LRRC63: variants seen among roughly 807,000 people sequenced by gnomAD.
LRRC63 encodes leucine-rich repeat-containing protein 63.
Under a neutral mutation model 49.5 loss-of-function variants are expected in LRRC63, and 40 were observed. That is an observed-to-expected ratio of 0.81 (90% CI 0.63 to 1.05). LRRC63 has a LOEUF of 1.05. LRRC63 is among the 50% of genes least tolerant of loss of function. The pLI, the probability that LRRC63 is intolerant of heterozygous loss-of-function variation, is 0.00. For missense variants in LRRC63, 636 were observed against 663.1 expected (o/e 0.96, Z 0.45); for synonymous variants, 191 against 221.1 (o/e 0.86, Z 1.21).
chr13:46,251,901 G>C (rs1011495778), intron 7 of LRRC63, among the ~76,000 whole-genome samples: 4 of 151,778 alleles, frequency 2.6e-5, no homozygotes, highest in Admixed American at 6.6e-5. Flanking sequence ...TCAACATTTT[G>C]TTCATTGTTT....
rs534079580 is a variant in LRRC63, at chr13:46,242,992, G to A, written c.991-3535G>A. On this transcript the variant is annotated intron_variant, in intron 5 of 9. Coordinates refer to ENST00000595396, the Ensembl canonical transcript of LRRC63. ...ATATAAAACTCACTGCTTCAAGTAA[G>A]AAAATTGAAAACTAGACAAATTCAG... is the stretch of plus-strand genomic sequence containing the variant. 2.0e-5 allele frequency among the ~76,000 whole-genome samples: 3 copies of A among 152,282 alleles called. No individual in the cohort carries two copies. In the East Asian group the frequency reaches 5.8e-4, roughly 29 times the overall value.
chr13:46,214,435 C>G (rs1019697377), intron 2 of LRRC63, among the ~76,000 whole-genome samples: 2 of 152,128 alleles, frequency 1.3e-5, no homozygotes, highest in Admixed American at 6.6e-5. Flanking sequence ...AGATTTACAG[C>G]TCAAGGTTAC....
At chr13:46,230,776 A>G (rs1014960087) in intron 4 of LRRC63, among the ~76,000 whole-genome samples, 1 of 152,134 alleles carries the variant, frequency 6.6e-6, no homozygotes. Flanking sequence ...AAATTTTCCA[A>G]ACTTTTACAA....
At chr13:46,240,065 G>A in intron 5 of LRRC63, among the ~76,000 whole-genome samples, 1 of 151,472 alleles carries the variant, frequency 6.6e-6, no homozygotes, top group Non-Finnish European at 1.5e-5. Context: ...GGCAAAAATT[G>A]GAAGCATTCC....
At chr13:46,276,006 GATTA>G (rs1232945538) in intron 9 of LRRC63, among the ~76,000 whole-genome samples, 2 of 151,864 alleles carry the variant, frequency 1.3e-5, no homozygotes, top group African/African-American at 4.8e-5. Flanking sequence ...TGTATTCCCC[GATTA>G]CTAGGGAGAT....
At chr13:46,243,662 C>T (rs1003728597) in intron 5 of LRRC63, among the ~76,000 whole-genome samples, 1 of 152,100 alleles carries the variant, frequency 6.6e-6, no homozygotes, top group African/African-American at 2.4e-5. Context: ...ACAAGGAGGG[C>T]CATCGTATAA....
intron 6 of LRRC63, among the ~76,000 whole-genome samples, chr13:46,249,489 T>C (rs1462290050): frequency 6.6e-6 from 1 of 151,828 alleles, no homozygotes; most frequent in Non-Finnish European, 1.5e-5. Flanking sequence ...AAGAAAATAC[T>C]ATAAATAACT....
At chr13:46,229,976 T>C (rs1018551566) in intron 4 of LRRC63, among the ~76,000 whole-genome samples, 5 of 152,018 alleles carry the variant, frequency 3.3e-5, no homozygotes, top group African/African-American at 1.2e-4. Context: ...TGGTGTGCGG[T>C]ACAGGTGCCA....
chr13:46,263,446 A>T (rs1394658698), intron 8 of LRRC63, among the ~76,000 whole-genome samples: 5 of 151,420 alleles, frequency 3.3e-5, no homozygotes, highest in Non-Finnish European at 1.5e-5. Flanking sequence ...TATGTTATTA[A>T]TTTTGGCATT....
At chr13:46,233,544 A>T (rs1289195680) in intron 4 of LRRC63, among the ~76,000 whole-genome samples, 1 of 152,232 alleles carries the variant, frequency 6.6e-6, no homozygotes, top group East Asian at 1.9e-4. Context: ...CAAAAGTAAA[A>T]TATATAAAAT....
intron 5 of LRRC63, among the ~76,000 whole-genome samples, chr13:46,241,568 A>C (rs761418766): frequency 1.3e-4 from 20 of 152,314 alleles, no homozygotes; most frequent in Non-Finnish European, 2.5e-4. Flanking sequence ...TTTGCAAACT[A>C]TGCATCTGAC....
intron 2 of LRRC63, among the ~76,000 whole-genome samples, chr13:46,224,946 C>T (rs1594018959): frequency 1.3e-5 from 2 of 152,348 alleles, no homozygotes; most frequent in Admixed American, 1.3e-4. Context: ...AGTAGGCTGA[C>T]TCTACCTATC....
intron 9 of LRRC63, chr13:46,270,596 A>C (rs764304286): frequency 1.2e-6 from 1 of 830,878 alleles, no homozygotes; most frequent in South Asian, 1.3e-5. Context: ...GGTGAAATGC[A>C]TTAATGCCAC....
exon 2 of LRRC63, chr13:46,213,046 C>T (rs921727004): frequency 1.3e-6 from 2 of 1,547,872 alleles, no homozygotes; most frequent in Middle Eastern, 1.7e-4. Context: ...TGCAAAAGCC[C>T]CCACTGCTTC....
exon 7 of LRRC63, chr13:46,250,403 A>G: frequency 1.3e-6 from 2 of 1,526,632 alleles, no homozygotes; most frequent in Non-Finnish European, 8.9e-7. Flanking sequence ...AAATAATCCT[A>G]TCAAAGAAAT....
chr13:46,221,211 T>C (rs1372079175), intron 2 of LRRC63, among the ~76,000 whole-genome samples: 1 of 152,118 alleles, frequency 6.6e-6, no homozygotes, highest in Admixed American at 6.5e-5. Context: ...GAAGGATGGA[T>C]TGCATAGGGT....
exon 3 of LRRC63, chr13:46,227,691 C>A: frequency 1.3e-6 from 2 of 1,550,374 alleles, no homozygotes; most frequent in Non-Finnish European, 1.7e-6. Flanking sequence ...AATTTCATCA[C>A]CCCAGAAATC....
chr13:46,255,643 C>CAAAAAAAAA (rs1445296831), intron 7 of LRRC63, among the ~76,000 whole-genome samples: 998 of 95,644 alleles, frequency 0.01, 28 homozygotes, highest in African/African-American at 0.058. Flanking sequence ...GACCCTGCCT[C>CAAAAAAAAA]AAATATATAT....
At chr13:46,218,510 G>A (rs919695095) in intron 2 of LRRC63, among the ~76,000 whole-genome samples, 3 of 151,982 alleles carry the variant, frequency 2.0e-5, no homozygotes, top group Non-Finnish European at 4.4e-5. Flanking sequence ...CACGTGAGAT[G>A]GGTCTCCTGA....
Sources: allele counts gnomAD v4.1 joint callset (sites outside exome capture counted in the v4.1 genomes callset), GRCh38; gene constraint gnomAD v4.1.1; transcripts MANE v1.5; gene names NCBI Gene and HGNC (gene_info 2026-07-23, HGNC 2026-07-21).